Variants in GRM1 observed in about 807,000 individuals in gnomAD.
GRM1 encodes metabotropic glutamate receptor 1.
A neutral mutation model predicts 90.9 loss-of-function variants in GRM1; 33 were observed. The observed-to-expected ratio is 0.36, with a 90% CI of 0.28 to 0.49. The LOEUF (loss-of-function observed/expected upper bound fraction) is 0.49. GRM1 is among the 20% of genes least tolerant of loss of function. The pLI, the probability that GRM1 is intolerant of heterozygous loss-of-function variation, is 0.99. For synonymous variants in GRM1, 700 were observed against 613.2 expected (o/e 1.14, Z -2.09); for missense variants, 1,190 against 1,534.3 (o/e 0.78, Z 3.75).
intron 2 of GRM1, among the ~76,000 whole-genome samples, chr6:146,283,195 C>T (rs181245726): frequency 9.9e-5 from 15 of 152,210 alleles, no homozygotes; most frequent in East Asian, 3.9e-4. Context: ...CTAAATCAGC[C>T]GAACCCCTGC....
chr6:146,294,109 T>G (rs1232958158), intron 2 of GRM1, among the ~76,000 whole-genome samples: 1 of 151,750 alleles, frequency 6.6e-6, no homozygotes, highest in African/African-American at 2.4e-5. Context: ...ATTTTATTAT[T>G]TTTTGCTTTA....
intron 2 of GRM1, among the ~76,000 whole-genome samples, chr6:146,251,828 A>G (rs1374474371): frequency 3.3e-5 from 5 of 152,176 alleles, no homozygotes; most frequent in Non-Finnish European, 5.9e-5. Flanking sequence ...TCAACCTTGA[A>G]TCAATTACTC....
intron 1 of GRM1, among the ~76,000 whole-genome samples, chr6:146,110,938 A>G (rs1775534640): frequency 6.6e-6 from 1 of 152,206 alleles, no homozygotes. Context: ...GGTTTTAAAG[A>G]AGAAAGAAGG....
intron 2 of GRM1, among the ~76,000 whole-genome samples, chr6:146,163,635 A>G (rs1777812055): frequency 2.0e-5 from 3 of 152,190 alleles, no homozygotes; most frequent in Admixed American, 2.0e-4. Context: ...AAAACATGAG[A>G]TAAGAGTTCT....
intron 1 of GRM1, among the ~76,000 whole-genome samples, chr6:146,118,282 G>C (rs1488010955): frequency 1.3e-5 from 2 of 151,380 alleles, no homozygotes; most frequent in East Asian, 3.9e-4. Flanking sequence ...TGGGACTACA[G>C]GCGCCCACCA....
At chr6:146,413,272 C>A (rs2206953) in intron 7 of GRM1, among the ~76,000 whole-genome samples, 1,938 of 152,106 alleles carry the variant, frequency 0.013, 47 homozygotes, top group African/African-American at 0.045. Flanking sequence ...CTTATAAAAC[C>A]CTTACTGATT....
chr6:146,125,337 T>C (rs560683083), intron 1 of GRM1, among the ~76,000 whole-genome samples: 4 of 152,268 alleles, frequency 2.6e-5, no homozygotes, highest in Admixed American at 2.6e-4. Context: ...TCTGCTTTCT[T>C]GTCATGTTCA....
intron 6 of GRM1, among the ~76,000 whole-genome samples, chr6:146,396,699 A>G (rs1234553306): frequency 6.6e-6 from 1 of 152,242 alleles, no homozygotes; most frequent in Non-Finnish European, 1.5e-5. Context: ...TGTAAATAAC[A>G]GCAAAAGCAA....
intron 1 of GRM1, among the ~76,000 whole-genome samples, chr6:146,032,221 C>T (rs1335096515): frequency 1.3e-5 from 2 of 152,008 alleles, no homozygotes; most frequent in African/African-American, 2.4e-5. Context: ...ACAATGTCTC[C>T]GTACTATTAT....
rs184525267 is a variant in GRM1 at position 146,196,016 on chromosome 6, T to C, written c.950+36419T>C. Among the ~76,000 whole-genome samples, 37 of 152,318 alleles carry C rather than the reference T, an allele frequency of 2.4e-4. 1 individual carries two copies. In the East Asian group the frequency reaches 7.1e-3, roughly 29 times the overall value. On this transcript the variant is annotated intron_variant, in intron 2 of 7. Transcript: ENST00000282753. ...AGTCTTAGCATTTTGTTCAGTTTAG[T>C]ATTTTCCTGAACAAAGGTATCCCAG...
intron 2 of GRM1, among the ~76,000 whole-genome samples, chr6:146,269,800 C>T (rs76904414): frequency 0.012 from 1,731 of 147,776 alleles, 72 homozygotes; most frequent in East Asian, 0.079. Flanking sequence ...AATTGTCTTC[C>T]ATGAAACTGG....
At chr6:146,302,289 C>T (rs1013755601) in intron 2 of GRM1, among the ~76,000 whole-genome samples, 6 of 150,076 alleles carry the variant, frequency 4.0e-5, no homozygotes, top group African/African-American at 7.4e-5. Flanking sequence ...CACAGGCGTG[C>T]GTGCACACAC....
At chr6:146,154,476 C>T (rs1478489461) in intron 1 of GRM1, among the ~76,000 whole-genome samples, 3 of 152,086 alleles carry the variant, frequency 2.0e-5, no homozygotes, top group African/African-American at 7.2e-5. Context: ...GTCTTTGGAG[C>T]TGAGGATTTT....
chr6:146,383,883 A>G (rs1776405453), intron 5 of GRM1, among the ~76,000 whole-genome samples: 1 of 152,140 alleles, frequency 6.6e-6, no homozygotes, highest in Non-Finnish European at 1.5e-5. Flanking sequence ...CTTCTGCCAT[A>G]AGCAACTAGA....
intron 1 of GRM1, among the ~76,000 whole-genome samples, chr6:146,086,616 G>T (rs1469193011): frequency 6.6e-6 from 1 of 151,822 alleles, no homozygotes; most frequent in African/African-American, 2.4e-5. Context: ...AGGTCATCTG[G>T]GGGTGTGATG....
intron 2 of GRM1, among the ~76,000 whole-genome samples, chr6:146,293,704 A>G (rs1006146394): frequency 1.3e-5 from 2 of 151,908 alleles, no homozygotes; most frequent in Non-Finnish European, 2.9e-5. Flanking sequence ...TTCTATGAAC[A>G]CTTGTTAAAC....
intron 3 of GRM1, among the ~76,000 whole-genome samples, chr6:146,308,463 G>T (rs1783656693): frequency 6.6e-6 from 1 of 152,166 alleles, no homozygotes; most frequent in East Asian, 1.9e-4. Context: ...GCATGACATA[G>T]ATCATTTCAT....
intron 2 of GRM1, among the ~76,000 whole-genome samples, chr6:146,244,603 T>C (rs1471954160): frequency 6.6e-6 from 1 of 152,210 alleles, no homozygotes; most frequent in Non-Finnish European, 1.5e-5. Flanking sequence ...AGCTACTTCA[T>C]TGGCTAGGCA....
rs9918430 is a variant in GRM1, at chr6:146,062,449, A to G, written c.700+32232A>G. Among the ~76,000 whole-genome samples the G allele has an allele frequency of 4.0e-3, 606 of 151,854 alleles. 4 individuals carry two copies. The highest frequency in any genetic ancestry group is 0.014 in the African/African-American group (580 of 41,286). Reference sequence around the variant, plus strand: ...ATGGCACATGTATACCTATGTAACAAACCTGCACAATCTGCACATGTGTCT... The same window carrying G: ...ATGGCACATGTATACCTATGTAACAGACCTGCACAATCTGCACATGTGTCT... On this transcript the variant is annotated intron_variant, in intron 1 of 7. Transcript: ENST00000282753.
Sources: gnomAD v4.1 joint callset for allele counts (sites outside exome capture counted in the v4.1 genomes callset) on GRCh38, gnomAD v4.1.1 for gene constraint, MANE v1.5 for transcripts, NCBI Gene and HGNC (gene_info 2026-07-23, HGNC 2026-07-21) for gene names.